The following MCU variants were observed in gnomAD, a reference collection of about 807,000 sequenced individuals.
MCU encodes the protein calcium uniporter protein, mitochondrial.
In MCU, 12 loss-of-function variants were observed where a neutral mutation model predicts 45.2. The ratio of observed to expected loss-of-function variants is 0.27; its 90% CI spans 0.17 to 0.43. The LOEUF is 0.43. MCU is among the 20% of genes least tolerant of loss of function. MCU has a pLI of 1.00. For synonymous variants in MCU, 160 were observed against 165.1 expected (o/e 0.97, Z 0.24); for missense variants, 324 against 436.7 (o/e 0.74, Z 2.30).
chr10:72,696,526 T>C (rs1842689945), intron 1 of MCU, among the ~76,000 whole-genome samples: 1 of 152,190 alleles, frequency 6.6e-6, no homozygotes, highest in South Asian at 2.1e-4. Flanking sequence ...TTAACCCTTT[T>C]CTATTGTTGT....
intron 1 of MCU, among the ~76,000 whole-genome samples, chr10:72,804,467 AC>A (rs1300055744): frequency 1.3e-5 from 2 of 152,148 alleles, no homozygotes; most frequent in African/African-American, 4.8e-5. Context: ...TTAATTAATT[AC>A]CTGATACACT....
At chr10:72,836,185 C>G (rs1337918679) in intron 2 of MCU, among the ~76,000 whole-genome samples, 1 of 151,668 alleles carries the variant, frequency 6.6e-6, no homozygotes, top group Non-Finnish European at 1.5e-5. Context: ...TTTTGCTGAA[C>G]TATTTCATTC....
Position 72,693,197 on chromosome 10 carries a change from T to A in MCU, c.150+896T>A, listed in dbSNP as rs565621725. ...GAGTGTGTGTGTGTGTGTGTGTGTG[T>A]GTGAGAGAGAGAGAGACAGAGTGTG... On this transcript the variant is annotated intron_variant, in intron 1 of 7. Transcript: ENST00000373053. The A allele has an allele frequency of 0.015, 12,514 of 844,244 alleles. 1,020 individuals carry two copies. The African/African-American group carries it at 0.19, about 13-fold the overall frequency. The allele number at this position is 844,244 out of a possible 1,614,324, so 52.3% of individuals were successfully genotyped here. A position where few individuals can be genotyped will look rare whatever the true frequency, so the allele number is the denominator to read the frequency against.
At chr10:72,825,747 A>G (rs1490539708) in intron 1 of MCU, among the ~76,000 whole-genome samples, 7 of 152,220 alleles carry the variant, frequency 4.6e-5, no homozygotes, top group Admixed American at 3.9e-4. Flanking sequence ...CTGTTTCTCT[A>G]AACTACTTTG....
At chr10:72,842,033 T>C (rs1329059435) in intron 2 of MCU, among the ~76,000 whole-genome samples, 1 of 152,198 alleles carries the variant, frequency 6.6e-6, no homozygotes, top group African/African-American at 2.4e-5. Flanking sequence ...AATCATAAAC[T>C]CTTAGCCAAG....
chr10:72,761,774 G>A (rs148069572), intron 1 of MCU, among the ~76,000 whole-genome samples: 3 of 152,254 alleles, frequency 2.0e-5, no homozygotes, highest in African/African-American at 7.2e-5. Flanking sequence ...GGTGAATTCT[G>A]AGATTTTAGT....
rs999350983 is a variant in MCU, at chr10:72,753,472, G to A, written c.150+61171G>A. Among the ~76,000 whole-genome samples, 5 of 152,148 alleles carry A rather than the reference G, an allele frequency of 3.3e-5. No individual in the cohort carries two copies. In the South Asian group the frequency reaches 8.3e-4, roughly 25 times the overall value. On this transcript the variant is annotated intron_variant, in intron 1 of 7. Transcript: ENST00000373053. ...GCAGTAGGTGGTATTCATTTTTAGT[G>A]TATTAGGAATCTGAGGCTGAGAGAG...
intron 1 of MCU, among the ~76,000 whole-genome samples, chr10:72,701,097 A>G (rs967454378): frequency 3.9e-5 from 6 of 152,188 alleles, no homozygotes; most frequent in African/African-American, 1.2e-4. Flanking sequence ...GTTTAAGAGC[A>G]CTGTATTAAT....
chr10:72,722,957 G>T (rs1843044167), intron 1 of MCU, among the ~76,000 whole-genome samples: 1 of 152,146 alleles, frequency 6.6e-6, no homozygotes, highest in African/African-American at 2.4e-5. Context: ...AGCACTTTGG[G>T]AGGCTGAGGC....
chr10:72,873,063 G>A (rs1166919424), intron 6 of MCU, among the ~76,000 whole-genome samples: 4 of 129,740 alleles, frequency 3.1e-5, no homozygotes, highest in Admixed American at 1.8e-4. Context: ...CTATTGCCCA[G>A]GCTGGAGTAC....
intron 2 of MCU, among the ~76,000 whole-genome samples, chr10:72,849,185 G>T (rs912471083): frequency 6.6e-6 from 1 of 151,600 alleles, no homozygotes; most frequent in African/African-American, 2.4e-5. Flanking sequence ...GGAGGCTGAG[G>T]CAGGAGAATC....
chr10:72,767,205 G>C (rs935008665), intron 1 of MCU, among the ~76,000 whole-genome samples: 1 of 151,786 alleles, frequency 6.6e-6, no homozygotes, highest in Admixed American at 6.6e-5. Flanking sequence ...GGATTACTTT[G>C]GTTTAAGACT....
chr10:72,759,260 GTGAT>G (rs778809010), intron 1 of MCU, among the ~76,000 whole-genome samples: 3 of 152,114 alleles, frequency 2.0e-5, no homozygotes, highest in Admixed American at 6.6e-5. Flanking sequence ...TGAGAGGGTC[GTGAT>G]TGATTGAGCA....
At chr10:72,837,261 A>G (rs1844968438) in intron 2 of MCU, among the ~76,000 whole-genome samples, 1 of 151,918 alleles carries the variant, frequency 6.6e-6, no homozygotes, top group African/African-American at 2.4e-5. Flanking sequence ...CTTTCTCTAG[A>G]AGAATTTATA....
At chr10:72,824,636 G>A (rs1041011948) in intron 1 of MCU, among the ~76,000 whole-genome samples, 17 of 152,252 alleles carry the variant, frequency 1.1e-4, no homozygotes, top group Non-Finnish European at 2.2e-4. Flanking sequence ...AAAAGAATTC[G>A]AAAACAAAAC....
At chr10:72,859,570 G>A (rs545051700) in intron 3 of MCU, among the ~76,000 whole-genome samples, 6 of 152,224 alleles carry the variant, frequency 3.9e-5, no homozygotes, top group Admixed American at 3.9e-4. Flanking sequence ...TATGCACAGG[G>A]AATCTCATTC....
At chr10:72,747,228 T>C (rs1361684269) in intron 1 of MCU, among the ~76,000 whole-genome samples, 1 of 152,200 alleles carries the variant, frequency 6.6e-6, no homozygotes, top group Non-Finnish European at 1.5e-5. Flanking sequence ...GTTGTGTTGT[T>C]TGCAGATATT....
At position 72,885,971 on chromosome 10, in the gene MCU, A is replaced by T; in HGVS notation, c.*149A>T. Reference sequence around the variant, plus strand: ...AAAACAGAAAGGATCTGAGGGAAGAAGGGAATGTTAAAACCTGAGGATCAG... The same window carrying T: ...AAAACAGAAAGGATCTGAGGGAAGATGGGAATGTTAAAACCTGAGGATCAG... On this transcript the variant is annotated 3_prime_UTR_variant, in exon 8 of 8. Transcript: ENST00000373053. 1 of 616,296 alleles carries T rather than the reference A, an allele frequency of 1.6e-6. No homozygotes were observed. The highest frequency in any genetic ancestry group is 2.9e-6 in the Non-Finnish European group (1 of 348,584). The allele number at this position is 616,296 out of a possible 1,614,324, so 38.2% of individuals were successfully genotyped here. A position where few individuals can be genotyped will look rare whatever the true frequency, so the allele number is the denominator to read the frequency against.
chr10:72,813,291 G>A (rs762411148), intron 1 of MCU, among the ~76,000 whole-genome samples: 7 of 148,110 alleles, frequency 4.7e-5, no homozygotes, highest in Non-Finnish European at 8.9e-5. Context: ...CTTTTTATGA[G>A]CAAAGGCATC....
Sources: gnomAD v4.1 joint callset for allele counts (sites outside exome capture counted in the v4.1 genomes callset) on GRCh38, gnomAD v4.1.1 for gene constraint, MANE v1.5 for transcripts, NCBI Gene and HGNC (gene_info 2026-07-23, HGNC 2026-07-21) for gene names.